The following GCC2 variants were observed in gnomAD, a reference collection of about 807,000 sequenced individuals.
GCC2 encodes the protein GRIP and coiled-coil domain-containing protein 2.
In GCC2, 120 loss-of-function variants were observed where a neutral mutation model predicts 210.6. The ratio of observed to expected loss-of-function variants is 0.57; its 90% confidence interval spans 0.49 to 0.66. The LOEUF (loss-of-function observed/expected upper bound fraction) is 0.66. GCC2 is among the 30% of genes least tolerant of loss of function. The probability of loss-of-function intolerance (pLI) is 0.00; values close to 1 mark genes in which losing one functional copy is unlikely to be tolerated. For missense variants in GCC2, 1,868 were observed against 1,871.9 expected (o/e 1.00, Z 0.04); for synonymous variants, 703 against 652.7 (o/e 1.08, Z -1.17).
intron 2 of GCC2, 122 bp downstream of exon 2, chr2:108,449,811 A>T (rs1188479463): frequency 3.0e-5 from 21 of 707,302 alleles, no homozygotes; most frequent in Non-Finnish European, 4.4e-5. Context: ...GCTCCAAGGG[A>T]TCTCAATTTT....
intron 13 of GCC2, 45 bp from the exon 14 acceptor site, chr2:108,485,590 TA>T: frequency 1.0e-6 from 1 of 1,004,120 alleles, no homozygotes; most frequent in Non-Finnish European, 1.5e-6. Context: ...AATTCACTGA[TA>T]AAAATTGTTA....
intron 16 of GCC2, 126 bp from the exon 17 acceptor site, chr2:108,487,573 A>T: frequency 1.1e-6 from 1 of 914,888 alleles, no homozygotes; most frequent in Non-Finnish European, 1.7e-6. Flanking sequence ...TCAAGAAACC[A>T]AAAAGAATGT....
In GCC2 at chr2:108,470,892, G is replaced by C; in HGVS notation, c.1563G>C (p.Gln521His). 1.9e-6 allele frequency: 3 copies of C among 1,613,630 alleles called. No individual in the cohort carries two copies. The highest frequency in any genetic ancestry group is 1.3e-5 in the African/African-American group (1 of 75,004). Residue 521 changes from glutamine to histidine, a missense_variant, in exon 6 of 23, where the codon CAG becomes CAC. This residue lies in a region of GCC2 where 1,847 missense variants were observed against 1,765.2 expected (regional missense o/e 1.05). Coordinates refer to ENST00000309863, the MANE Select transcript of GCC2 (RefSeq NM_181453.4). ...CATCTGATGTTCATGAACTGCAGCAGAAGCTCAGAACTGCTTTTACTGAAA... is the reference window on the plus strand; with the variant it reads ...CATCTGATGTTCATGAACTGCAGCACAAGCTCAGAACTGCTTTTACTGAAA... The part of the protein sequence containing the change: ...QQASDVHELQ[Q>H]KLRTAFTEKD...
intron 22 of GCC2, among the ~76,000 whole-genome samples, chr2:108,505,307 A>G (rs1683129566): frequency 6.6e-6 from 1 of 152,242 alleles, no homozygotes; most frequent in African/African-American, 2.4e-5. Context: ...ATACATAACC[A>G]GTGCCAAGTT....
chr2:108,474,711 T>C (rs1045117054), intron 7 of GCC2: 1 of 151,748 alleles, frequency 6.6e-6, no homozygotes, highest in African/African-American at 2.4e-5. Context: ...TCCCCTACCC[T>C]CTTTAACTGC....
At position 108,507,889 on chromosome 2, in the gene GCC2, G is replaced by A; in HGVS notation, c.*259G>A. ...CTGCCAGAATAAAACCACCAGGAAT[G>A]AATTCACTCCCCACTTCTCTGGAAC... On this transcript the variant is annotated 3_prime_UTR_variant, in exon 23 of 23. Coordinates refer to ENST00000309863, the MANE Select transcript of GCC2 (RefSeq NM_181453.4). 2 of 330,808 alleles carry A rather than the reference G, an allele frequency of 6.0e-6. No individual in the cohort carries two copies. The highest frequency in any genetic ancestry group is 8.0e-5 in the South Asian group (2 of 25,114). The allele number at this position is 330,808 out of a possible 1,614,324, so 20.5% of individuals were successfully genotyped here. A position where few individuals can be genotyped will look rare whatever the true frequency, so the allele number is the denominator to read the frequency against.
In GCC2 at chr2:108,475,645, C is replaced by T; in HGVS notation, c.2961+10C>T. On this transcript the variant is annotated intron_variant, in intron 8 of 22. Transcript: ENST00000309863. ...TTCCAGCAGAAAAGAGGTGAGCTGA[C>T]TTTAAAAATGTAAGATTCCGGAATC... is the stretch of plus-strand genomic sequence containing the variant. The T allele has an allele frequency of 1.3e-6, 2 of 1,507,772 alleles. No individual in the cohort carries two copies. The highest frequency in any genetic ancestry group is 1.8e-6 in the Non-Finnish European group (2 of 1,110,314). 93.4% of individuals were successfully genotyped at this position (1,507,772 alleles called of 1,614,324 possible). A position where few individuals can be genotyped will look rare whatever the true frequency, so the allele number is the denominator to read the frequency against.
intron 21 of GCC2, 148 bp downstream of exon 21, chr2:108,497,257 C>T: frequency 7.8e-7 from 1 of 1,283,458 alleles, no homozygotes; most frequent in East Asian, 2.4e-5. Flanking sequence ...GCTGGGACTA[C>T]AGGTGCCCGC....
chr2:108,479,875 C>G (rs556946789), intron 9 of GCC2, among the ~76,000 whole-genome samples: 1 of 149,214 alleles, frequency 6.7e-6, no homozygotes, highest in Non-Finnish European at 1.5e-5. Context: ...CCAACTACCC[C>G]AGAGGCTGAG....
At chr2:108,452,775 C>T (rs903597591) in intron 4 of GCC2, among the ~76,000 whole-genome samples, 9 of 147,102 alleles carry the variant, frequency 6.1e-5, no homozygotes, top group Non-Finnish European at 1.3e-4. Context: ...CTCACTGTAA[C>T]CTCTGCCTCC....
chr2:108,465,245 CT>C (rs1418465820), intron 4 of GCC2, among the ~76,000 whole-genome samples: 1 of 152,222 alleles, frequency 6.6e-6, no homozygotes, highest in African/African-American at 2.4e-5. Flanking sequence ...ATGTAATTAT[CT>C]ACTCACTATT....
In GCC2 at chr2:108,468,997, G is replaced by T. The variant is rs780376350; in HGVS notation, c.234G>T (p.Leu78=). 33 of 1,610,824 alleles carry T rather than the reference G, an allele frequency of 2.0e-5. No homozygotes were observed. Among genetic ancestry groups the T allele is most frequent in the Non-Finnish European group, 2.8e-5 (33 of 1,177,358 alleles). Residue 78 remains leucine (L), a synonymous_variant, in exon 5 of 23, where the codon CTG becomes CTT. Coordinates refer to ENST00000309863, the MANE Select transcript of GCC2 (RefSeq NM_181453.4). The part of the protein sequence containing the change: ...GDIIKALTER[L]DALLLEKAET... ...TAAAATAGGCATTAACTGAACGTCT[G>T]GATGCTCTTCTTCTGGAAAAAGCAG...
Position 108,487,864 on chromosome 2 carries a change from A to G in GCC2, c.4052+44A>G, listed in dbSNP as rs1682224573. The G allele has an allele frequency of 1.6e-5, 25 of 1,532,250 alleles. No homozygotes were observed. The East Asian group carries it at 5.8e-4, about 36-fold the overall frequency. 94.9% of individuals were successfully genotyped at this position (1,532,250 alleles called of 1,614,324 possible). A position where few individuals can be genotyped will look rare whatever the true frequency, so the allele number is the denominator to read the frequency against. ...ATGCAGAGTTTTCCTCCCACAATGC[A>G]GGTTCTTCACCAAGTAGATTGAAAA... On this transcript the variant is annotated intron_variant, in intron 17 of 22. Transcript: ENST00000309863.
At chr2:108,472,512 T>G (rs991733659) in intron 6 of GCC2, among the ~76,000 whole-genome samples, 1 of 152,114 alleles carries the variant, frequency 6.6e-6, no homozygotes, top group African/African-American at 2.4e-5. Flanking sequence ...ATTTTAGGGT[T>G]TTCTTTAAAA....
At chr2:108,480,904 G>A (rs536401452) in intron 9 of GCC2, among the ~76,000 whole-genome samples, 23 of 152,108 alleles carry the variant, frequency 1.5e-4, no homozygotes, top group African/African-American at 2.4e-4. Flanking sequence ...GAACTTAAAA[G>A]TTAAAAAATT....
chr2:108,451,127 A>G lies in GCC2; in HGVS notation c.148+15A>G. 6.9e-7 allele frequency: 1 copy of G among 1,441,346 alleles called. No individual in the cohort carries two copies. The highest frequency in any genetic ancestry group is 9.7e-7 in the Non-Finnish European group (1 of 1,026,842). 89.3% of individuals were successfully genotyped at this position (1,441,346 alleles called of 1,614,324 possible). On this transcript the variant is annotated intron_variant, in intron 3 of 22. Transcript: ENST00000309863. The stretch of plus-strand genomic sequence containing the variant: ...AAGGTGTACAGGTATTGGGTTGAAA[A>G]TACTCATCTTGATCACAGTCTCTTT...
intron 7 of GCC2, 133 bp downstream of exon 7, chr2:108,473,032 T>C (rs936491075): frequency 3.7e-6 from 2 of 545,050 alleles, no homozygotes; most frequent in Non-Finnish European, 6.3e-6. Context: ...TTCCTCGAGC[T>C]CACATTCTTG....
intron 22 of GCC2, 146 bp from the exon 23 acceptor site, chr2:108,507,414 C>G (rs1452324346): frequency 2.7e-6 from 1 of 375,130 alleles, no homozygotes; most frequent in Non-Finnish European, 4.9e-6. Flanking sequence ...AACCCCCCCC[C>G]CCAAAAAAAA....
chr2:108,486,721 C>G, intron 16 of GCC2, 73 bp downstream of exon 16: 2 of 1,369,652 alleles, frequency 1.5e-6, no homozygotes, highest in Non-Finnish European at 2.0e-6. Context: ...TACTCCAGGG[C>G]TGTGCTCTGC....
Sources: gnomAD v4.1 joint callset for allele counts (sites outside exome capture counted in the v4.1 genomes callset) on GRCh38, gnomAD v4.1.1 for gene constraint, gnomAD v4.1.1 regional missense constraint, MANE v1.5 for transcripts, NCBI Gene and HGNC (gene_info 2026-07-23, HGNC 2026-07-21) for gene names.